The following CES5A variants were observed in gnomAD, a reference collection of about 807,000 sequenced individuals.
CES5A encodes carboxylesterase 5.
CES5A carries 67 observed loss-of-function variants against 62.9 expected under a neutral mutation model. The observed-to-expected ratio is 1.07, with a 90% CI of 0.88 to 1.31. CES5A has a LOEUF of 1.31. Ranked by LOEUF, CES5A falls within the 50% of genes most tolerant of loss-of-function variation. CES5A has a pLI of 0.00. For synonymous variants in CES5A, 296 were observed against 280.8 expected (o/e 1.05, Z -0.54); for missense variants, 748 against 708.5 (o/e 1.06, Z -0.63).
chr16:55,919,392 G>C (rs949472277), intron 1 of CES5A, among the ~76,000 whole-genome samples: 1 of 152,200 alleles, frequency 6.6e-6, no homozygotes. Context: ...TTGCCTGCTG[G>C]TTAAAGCCTG....
intron 1 of CES5A, among the ~76,000 whole-genome samples, chr16:55,900,943 CAA>C (rs1368768839): frequency 1.3e-5 from 2 of 152,134 alleles, no homozygotes; most frequent in Admixed American, 1.3e-4. Flanking sequence ...AACTGAAGCA[CAA>C]AGAGGAAGGG....
At chr16:55,850,019 A>G (rs1389512082) in intron 10 of CES5A, among the ~76,000 whole-genome samples, 2 of 152,228 alleles carry the variant, frequency 1.3e-5, no homozygotes, top group African/African-American at 4.8e-5. Context: ...CTCTATATTC[A>G]GCCAAGATCT....
chr16:55,860,314 A>G (rs1166689280), intron 7 of CES5A, among the ~76,000 whole-genome samples: 2 of 152,178 alleles, frequency 1.3e-5, no homozygotes, highest in Non-Finnish European at 2.9e-5. Context: ...GCAGCATGAG[A>G]AGAGACTAAT....
intron 1 of CES5A, among the ~76,000 whole-genome samples, chr16:55,924,375 A>G (rs979761433): frequency 7.2e-5 from 11 of 151,744 alleles, no homozygotes; most frequent in Non-Finnish European, 4.4e-5. Context: ...ATAAGTGAAA[A>G]ATCTATACAG....
chr16:55,917,699 T>A (rs1282474710), intron 1 of CES5A, among the ~76,000 whole-genome samples: 1 of 152,120 alleles, frequency 6.6e-6, no homozygotes, highest in Non-Finnish European at 1.5e-5. Flanking sequence ...TCAGGTTCCA[T>A]CACCTCTGCC....
chr16:55,954,475 A>G (rs2034588713), intron 1 of CES5A, among the ~76,000 whole-genome samples: 1 of 152,176 alleles, frequency 6.6e-6, no homozygotes, highest in African/African-American at 2.4e-5. Context: ...ACATGCCCCA[A>G]AAAACCAGGG....
At position 55,914,909 on chromosome 16, in the gene CES5A, A is replaced by C. The variant is rs146042720; in HGVS notation, c.-256+10414T>G. ...TTGTGCTGTGGTTACATAAGATGTTAACATTAGGGAAAGCTCAGTGACGGG... is the reference window on the plus strand; with the variant it reads ...TTGTGCTGTGGTTACATAAGATGTTCACATTAGGGAAAGCTCAGTGACGGG... On this transcript the variant is annotated intron_variant, in intron 1 of 12. Transcript: ENST00000518005. 4.7e-3 allele frequency among the ~76,000 whole-genome samples: 721 copies of C among 152,312 alleles called. 4 individuals carry two copies. The highest frequency in any genetic ancestry group is 8.1e-3 in the Non-Finnish European group (553 of 68,020).
At chr16:55,900,133 C>T (rs1404664840) in intron 1 of CES5A, among the ~76,000 whole-genome samples, 1 of 152,158 alleles carries the variant, frequency 6.6e-6, no homozygotes, top group Non-Finnish European at 1.5e-5. Flanking sequence ...ACACAGAAGC[C>T]TGACCTCCAT....
At position 55,947,952 on chromosome 16, in the gene CES5A, C is replaced by T. The variant is rs146903404; in HGVS notation, c.160+1833G>A. ...GAGAGCGCTGAGCCAAGGAGACACA[C>T]GAATGGACTTTGGTTTTAAAAGATC... is the stretch of plus-strand genomic sequence containing the variant. On this transcript the variant is annotated intron_variant, in intron 2 of 13. Transcript: ENST00000521992. 5.3e-5 allele frequency among the ~76,000 whole-genome samples: 8 copies of T among 151,832 alleles called. No individual in the cohort carries two copies. The East Asian group carries it at 9.7e-4, about 18-fold the overall frequency.
intron 2 of CES5A, chr16:55,949,694 T>A (rs1950888672): frequency 2.2e-6 from 1 of 450,818 alleles, no homozygotes; most frequent in Non-Finnish European, 3.8e-6. Context: ...GGTGGAAGTA[T>A]GCCACCAATG....
rs374332161 is a variant in CES5A at position 55,900,096 on chromosome 16, C to CT, written c.-256+25226dup. The stretch of plus-strand genomic sequence containing the variant: ...GATCCAGACCTGAATGCAGACCCCC[C>CT]TTCATCCCTAGGGACCCTCTCTGTC... On this transcript the variant is annotated intron_variant, in intron 1 of 12. Transcript: ENST00000518005. Among the ~76,000 whole-genome samples, 183 of 152,248 alleles carry CT rather than the reference C, an allele frequency of 1.2e-3. 2 individuals carry two copies. The highest frequency in any genetic ancestry group is 1.8e-3 in the Admixed American group (27 of 15,292).
intron 1 of CES5A, among the ~76,000 whole-genome samples, chr16:55,906,837 A>T (rs2034044332): frequency 6.6e-6 from 1 of 152,218 alleles, no homozygotes; most frequent in African/African-American, 2.4e-5. Flanking sequence ...GTCCTGAGCC[A>T]GCATGGTGTG....
intron 2 of CES5A, chr16:55,944,434 T>C: frequency 4.1e-6 from 1 of 242,508 alleles, no homozygotes; most frequent in Non-Finnish European, 8.2e-6. Context: ...GGTCCAACCT[T>C]TTTTCCCCAT....
intron 2 of CES5A, chr16:55,944,187 C>T (rs1360159168): frequency 1.4e-6 from 1 of 692,522 alleles, no homozygotes; most frequent in Non-Finnish European, 2.6e-6. Flanking sequence ...GGTCCCAGTC[C>T]TGGTTCCATC....
In CES5A at chr16:55,856,362, T is replaced by C. The variant is rs2033242824; in HGVS notation, c.1125+15A>G. 2.5e-6 allele frequency: 4 copies of C among 1,613,574 alleles called. No individual in the cohort carries two copies. The highest frequency in any genetic ancestry group is 3.4e-6 in the Non-Finnish European group (4 of 1,179,592). On this transcript the variant is annotated intron_variant, in intron 9 of 12. Coordinates refer to ENST00000290567, the MANE Select transcript of CES5A (RefSeq NM_001143685.2). ...CATGTGTCTCTGGAGTACTGCAGCC[T>C]CCCAAGCTACTCACCAGGATGTTTT...
intron 2 of CES5A, 40 bp from the exon 3 acceptor site, chr16:55,871,803 CAGCA>C (rs2033594934): frequency 1.9e-6 from 3 of 1,607,932 alleles, no homozygotes; most frequent in Non-Finnish European, 2.6e-6. Flanking sequence ...AAAAAGTTAT[CAGCA>C]AACTTGCCTG....
intron 2 of CES5A, among the ~76,000 whole-genome samples, chr16:55,873,213 G>C (rs2033629068): frequency 6.6e-6 from 1 of 152,064 alleles, no homozygotes; most frequent in Non-Finnish European, 1.5e-5. Context: ...CTGGTAACTG[G>C]TTACCTAACC....
At chr16:55,923,320 A>C (rs1288019021) in intron 1 of CES5A, among the ~76,000 whole-genome samples, 1 of 151,650 alleles carries the variant, frequency 6.6e-6, no homozygotes, top group African/African-American at 2.4e-5. Flanking sequence ...TAAAATCAGA[A>C]ATGAAAAAGG....
At chr16:55,868,744 C>T (rs2033520416) in intron 4 of CES5A, among the ~76,000 whole-genome samples, 2 of 152,190 alleles carry the variant, frequency 1.3e-5, no homozygotes, top group Non-Finnish European at 2.9e-5. Context: ...TCTTTGTTTA[C>T]ATTGGACCCT....
Sources: allele counts gnomAD v4.1 joint callset (sites outside exome capture counted in the v4.1 genomes callset), GRCh38; gene constraint gnomAD v4.1.1; transcripts MANE v1.5; gene names NCBI Gene and HGNC (gene_info 2026-07-23, HGNC 2026-07-21).